GRIP1: variants seen among roughly 807,000 people sequenced by gnomAD.
GRIP1 encodes glutamate receptor interacting protein 1.
A neutral mutation model predicts 129.9 loss-of-function variants in GRIP1; 45 were observed. The observed-to-expected ratio is 0.35, with a 90% CI of 0.27 to 0.44. GRIP1 has a LOEUF of 0.44. GRIP1 is among the 20% of genes least tolerant of loss of function. The pLI is 1.00. For synonymous variants in GRIP1, 530 were observed against 520.8 expected (o/e 1.02, Z -0.24); for missense variants, 1,196 against 1,396.8 (o/e 0.86, Z 2.29).
intron 1 of GRIP1, among the ~76,000 whole-genome samples, chr12:66,603,572 C>T (rs566265120): frequency 3.9e-5 from 6 of 152,336 alleles, no homozygotes; most frequent in African/African-American, 7.2e-5. Context: ...CCAACTGATA[C>T]GACCAACAGC....
chr12:66,479,705 CA>C (rs889219800), intron 7 of GRIP1, among the ~76,000 whole-genome samples: 26 of 152,084 alleles, frequency 1.7e-4, no homozygotes, highest in Admixed American at 1.3e-4. Flanking sequence ...AGCAGCACAT[CA>C]AAAGCTTATC....
intron 13 of GRIP1, among the ~76,000 whole-genome samples, chr12:66,434,183 GC>G (rs1384110220): frequency 6.6e-6 from 1 of 152,134 alleles, no homozygotes; most frequent in Non-Finnish European, 1.5e-5. Context: ...ATTTCCCTGG[GC>G]CCGCCTAGCT....
At chr12:67,041,786 C>G (rs2043184843) in intron 1 of GRIP1, among the ~76,000 whole-genome samples, 1 of 151,822 alleles carries the variant, frequency 6.6e-6, no homozygotes, top group South Asian at 2.1e-4. Flanking sequence ...AAAAAACAAC[C>G]CTGTAATTAG....
At chr12:66,834,176 T>C in intron 1 of GRIP1, among the ~76,000 whole-genome samples, 1 of 13,144 alleles carries the variant, frequency 7.6e-5, no homozygotes, top group East Asian at 3.1e-3. Context: ...AGACTTCATC[T>C]CAAAAAAAAA....
chr12:66,588,970 C>T (rs1012122999), intron 2 of GRIP1, among the ~76,000 whole-genome samples: 1 of 136,816 alleles, frequency 7.3e-6, no homozygotes, highest in Non-Finnish European at 1.6e-5. Context: ...CCGTGTCCCC[C>T]TCCTACAAAA....
chr12:67,002,650 C>T (rs958785853), intron 1 of GRIP1, among the ~76,000 whole-genome samples: 3 of 152,202 alleles, frequency 2.0e-5, no homozygotes, highest in Non-Finnish European at 4.4e-5. Context: ...TGATTCAGGA[C>T]ATCTATTTTC....
At chr12:66,476,797 T>G (rs984634510) in intron 7 of GRIP1, among the ~76,000 whole-genome samples, 3 of 152,188 alleles carry the variant, frequency 2.0e-5, no homozygotes, top group African/African-American at 4.8e-5. Flanking sequence ...TCTCAATAGC[T>G]GCAGAAAAGG....
intron 15 of GRIP1, among the ~76,000 whole-genome samples, chr12:66,416,894 A>G (rs2057623738): frequency 6.6e-6 from 1 of 152,012 alleles, no homozygotes; most frequent in African/African-American, 2.4e-5. Context: ...AATGATTCCA[A>G]ACTCATTCTA....
At chr12:66,683,818 A>G (rs2034677619), upstream of GRIP1, among the ~76,000 whole-genome samples, 1 of 152,238 alleles carries the variant, frequency 6.6e-6, no homozygotes, top group Non-Finnish European at 1.5e-5. Flanking sequence ...TGTTAAAGAT[A>G]GAATATGTAG....
chr12:66,800,357 C>T (rs2038822725), intron 1 of GRIP1, among the ~76,000 whole-genome samples: 1 of 152,082 alleles, frequency 6.6e-6, no homozygotes, highest in Non-Finnish European at 1.5e-5. Context: ...CTCCTAATTC[C>T]ATACTATTAC....
At chr12:66,429,655 C>T (rs570257967) in intron 14 of GRIP1, among the ~76,000 whole-genome samples, 7 of 152,046 alleles carry the variant, frequency 4.6e-5, no homozygotes, top group East Asian at 3.9e-4. Flanking sequence ...CTAATAGTGC[C>T]GCTGCACTCC....
At chr12:66,804,456 GAGAA>G (rs913991691), upstream of GRIP1, among the ~76,000 whole-genome samples, 2 of 151,852 alleles carry the variant, frequency 1.3e-5, no homozygotes, top group African/African-American at 4.8e-5. Context: ...AAGAGGAAAA[GAGAA>G]AGAAAATGAA....
intron 1 of GRIP1, among the ~76,000 whole-genome samples, chr12:66,883,805 T>G (rs2040519862): frequency 6.6e-6 from 1 of 152,230 alleles, no homozygotes; most frequent in Non-Finnish European, 1.5e-5. Context: ...TTCAGCTCTG[T>G]TGCTTTCCAG....
chr12:66,892,160 T>G (rs2040671224), intron 1 of GRIP1, among the ~76,000 whole-genome samples: 1 of 152,034 alleles, frequency 6.6e-6, no homozygotes, highest in South Asian at 2.1e-4. Context: ...ATAGTAGGGA[T>G]GGTGACAGGG....
At chr12:66,916,985 T>C (rs940502004) in intron 1 of GRIP1, among the ~76,000 whole-genome samples, 4 of 152,178 alleles carry the variant, frequency 2.6e-5, no homozygotes, top group Non-Finnish European at 4.4e-5. Flanking sequence ...ACATTTTTGT[T>C]TGTCTGGTTA....
intron 2 of GRIP1, among the ~76,000 whole-genome samples, chr12:66,579,391 T>C (rs982021023): frequency 6.6e-6 from 1 of 152,114 alleles, no homozygotes; most frequent in African/African-American, 2.4e-5. Flanking sequence ...TCACCAGCAA[T>C]GGAACAAAGC....
At chr12:66,725,319 C>A (rs1487755125) in intron 1 of GRIP1, among the ~76,000 whole-genome samples, 3 of 151,468 alleles carry the variant, frequency 2.0e-5, no homozygotes, top group African/African-American at 4.9e-5. Context: ...ACACAAAAAT[C>A]GAAAACAAAC....
At chr12:66,971,319 C>T (rs937004921) in intron 1 of GRIP1, among the ~76,000 whole-genome samples, 1 of 152,092 alleles carries the variant, frequency 6.6e-6, no homozygotes, top group African/African-American at 2.4e-5. Flanking sequence ...GTGAGGACTC[C>T]CAAGCACTTT....
chr12:66,394,293 G>C lies in GRIP1; in HGVS notation c.2044C>G (p.Pro682Ala), dbSNP rs767751370. 1.9e-6 allele frequency: 3 copies of C among 1,613,510 alleles called. No homozygotes were observed. Among genetic ancestry groups the C allele is most frequent in the East Asian group, 2.2e-5 (1 of 44,870 alleles). Reference sequence around the variant, plus strand: ...GTTCCTGAAATTGTGATGCCAAGGGGCCCCCCGTAGCGTTTAAGCTCCACG... The same window carrying C: ...GTTCCTGAAATTGTGATGCCAAGGGCCCCCCCGTAGCGTTTAAGCTCCACG... ...YTVELKRYGGPLGITISGTEE... is the reference protein window; with the variant it reads ...YTVELKRYGGALGITISGTEE... Residue 682 changes from proline to alanine, a missense_variant, in exon 17 of 25, where the codon CCC becomes GCC. Around this residue, in one of 5 missense-constraint regions of GRIP1, gnomAD observed 508 missense variants for 587.0 expected, o/e 0.87. Transcript: ENST00000359742.
Sources: gnomAD v4.1 joint callset for allele counts (sites outside exome capture counted in the v4.1 genomes callset) on GRCh38, gnomAD v4.1.1 for gene constraint, gnomAD v4.1.1 regional missense constraint, MANE v1.5 for transcripts, NCBI Gene and HGNC (gene_info 2026-07-23, HGNC 2026-07-21) for gene names.